CSMD1: variants seen among roughly 807,000 people sequenced by gnomAD.
The protein encoded by CSMD1 is CUB and Sushi multiple domains 1, also known as CUB and sushi domain-containing protein 1.
CSMD1 carries 213 observed loss-of-function variants against 417.5 expected under a neutral mutation model. That is an observed-to-expected ratio of 0.51 (90% CI 0.46 to 0.57). The LOEUF is 0.57. Ranked by LOEUF, CSMD1 falls within the 20% of genes least tolerant of loss-of-function variation. The pLI is 0.00. For synonymous variants in CSMD1, 2,862 were observed against 1,736.8 expected (o/e 1.65, Z -16.11); for missense variants, 6,923 against 4,529.7 (o/e 1.53, Z -15.17).
chr8:3,895,168 G>C (rs1466891208), intron 5 of CSMD1, among the ~76,000 whole-genome samples: 3 of 152,130 alleles, frequency 2.0e-5, no homozygotes, highest in East Asian at 3.8e-4. Context: ...CACTAATTCA[G>C]AGACACCAAC....
chr8:4,076,382 A>C (rs1374711160), intron 3 of CSMD1, among the ~76,000 whole-genome samples: 1 of 152,192 alleles, frequency 6.6e-6, no homozygotes, highest in East Asian at 1.9e-4. Flanking sequence ...TGTCTGAGGT[A>C]GTTCTTTATA....
chr8:3,018,708 T>G, intron 51 of CSMD1, 58 bp from the exon 52 acceptor site: 1 of 1,468,514 alleles, frequency 6.8e-7, no homozygotes, highest in Non-Finnish European at 9.3e-7. Flanking sequence ...ACTCCTGTGC[T>G]CCAAACAAAC....
At chr8:4,374,681 T>C (rs1294995266) in intron 3 of CSMD1, among the ~76,000 whole-genome samples, 3 of 152,048 alleles carry the variant, frequency 2.0e-5, no homozygotes, top group Non-Finnish European at 4.4e-5. Flanking sequence ...ATTATAAAGG[T>C]GGCATTTAGG....
intron 2 of CSMD1, among the ~76,000 whole-genome samples, chr8:4,548,616 A>G (rs980259708): frequency 1.3e-5 from 2 of 152,208 alleles, no homozygotes; most frequent in African/African-American, 4.8e-5. Context: ...ATAGATGCAA[A>G]TGGCTTTTTT....
At chr8:4,367,553 G>T (rs1437538075) in intron 3 of CSMD1, among the ~76,000 whole-genome samples, 2 of 152,044 alleles carry the variant, frequency 1.3e-5, no homozygotes, top group African/African-American at 4.8e-5. Context: ...GGCTCTTTGG[G>T]CTCCATATAA....
intron 5 of CSMD1, among the ~76,000 whole-genome samples, chr8:3,974,211 A>C (rs1813266936): frequency 6.6e-6 from 1 of 152,110 alleles, no homozygotes; most frequent in Admixed American, 6.5e-5. Flanking sequence ...AAGCCAGGAA[A>C]CCTTTCATAA....
chr8:3,338,414 C>G (rs755569836), intron 23 of CSMD1, among the ~76,000 whole-genome samples: 1 of 152,156 alleles, frequency 6.6e-6, no homozygotes, highest in Non-Finnish European at 1.5e-5. Flanking sequence ...CAAAACACAG[C>G]TAAGTACAAG....
chr8:3,742,949 C>G (rs1246344111), intron 6 of CSMD1, among the ~76,000 whole-genome samples: 1 of 152,164 alleles, frequency 6.6e-6, no homozygotes, highest in African/African-American at 2.4e-5. Context: ...ATCTTCTTGA[C>G]AGGATACCAC....
chr8:3,270,170 C>T (rs1435027177), intron 26 of CSMD1, among the ~76,000 whole-genome samples: 4 of 151,204 alleles, frequency 2.6e-5, no homozygotes, highest in Non-Finnish European at 1.5e-5. Flanking sequence ...CTACCTCAGA[C>T]TCCCAAGTAG....
chr8:3,428,902 T>C (rs1814027525), intron 12 of CSMD1, among the ~76,000 whole-genome samples: 1 of 152,216 alleles, frequency 6.6e-6, no homozygotes, highest in African/African-American at 2.4e-5. Flanking sequence ...CGGATGAGCC[T>C]GAAGGACACT....
intron 21 of CSMD1, among the ~76,000 whole-genome samples, chr8:3,349,969 TATA>T (rs1479563150): frequency 2.7e-5 from 4 of 146,452 alleles, no homozygotes; most frequent in Non-Finnish European, 1.5e-5. Flanking sequence ...TTATAATACC[TATA>T]ATACCTATAA....
chr8:4,713,243 C>G (rs1263206130), intron 1 of CSMD1, among the ~76,000 whole-genome samples: 5 of 152,232 alleles, frequency 3.3e-5, no homozygotes, highest in Non-Finnish European at 7.3e-5. Flanking sequence ...GCCAATTACT[C>G]AAGTACAGAA....
intron 66 of CSMD1, 52 bp from the exon 67 acceptor site, chr8:2,950,395 G>T: frequency 9.3e-7 from 1 of 1,080,190 alleles, no homozygotes; most frequent in Non-Finnish European, 1.4e-6. Flanking sequence ...TAGTAATTCA[G>T]CCCTTTAATC....
At position 2,938,168 on chromosome 8, in the gene CSMD1, C is replaced by T. The variant is rs1232312683; in HGVS notation, c.*417G>A. On this transcript the variant is annotated 3_prime_UTR_variant, in exon 70 of 70. Transcript: ENST00000635120. ...GGGGGTTTAAAAAGGAAAAACAACA[C>T]AAGAGAACACATATCGTGGTGCCAC... 2 of 159,470 alleles carry T rather than the reference C, an allele frequency of 1.3e-5. No homozygotes were observed. Among genetic ancestry groups the T allele is most frequent in the African/African-American group, 4.8e-5 (2 of 41,694 alleles). The allele number at this position is 159,470 out of a possible 1,614,324, so 9.9% of individuals were successfully genotyped here.
At chr8:3,936,112 G>A (rs944216301) in intron 5 of CSMD1, among the ~76,000 whole-genome samples, 3 of 151,614 alleles carry the variant, frequency 2.0e-5, no homozygotes. Flanking sequence ...CTAACTCTCT[G>A]AAGGTAGAGA....
chr8:4,191,967 C>CT (rs1799058651), intron 3 of CSMD1, among the ~76,000 whole-genome samples: 1 of 152,088 alleles, frequency 6.6e-6, no homozygotes, highest in Non-Finnish European at 1.5e-5. Flanking sequence ...GCAAAACACC[C>CT]GTAGAGGAAC....
intron 5 of CSMD1, among the ~76,000 whole-genome samples, chr8:3,861,884 A>G (rs1804734293): frequency 6.6e-6 from 1 of 152,170 alleles, no homozygotes; most frequent in Admixed American, 6.5e-5. Flanking sequence ...CCACAGTGGA[A>G]GTCATAGCAT....
chr8:4,891,983 G>A (rs188067588), intron 1 of CSMD1, among the ~76,000 whole-genome samples: 9 of 152,122 alleles, frequency 5.9e-5, no homozygotes, highest in African/African-American at 1.9e-4. Context: ...AAAGAGGTAA[G>A]ACCAAAATAG....
intron 10 of CSMD1, among the ~76,000 whole-genome samples, chr8:3,537,600 T>G (rs1798257803): frequency 6.6e-6 from 1 of 152,254 alleles, no homozygotes; most frequent in Admixed American, 6.5e-5. Context: ...TCTGATAATG[T>G]AATGATGGAA....
Sources: allele counts gnomAD v4.1 joint callset (sites outside exome capture counted in the v4.1 genomes callset), GRCh38; gene constraint gnomAD v4.1.1; transcripts MANE v1.5; gene names NCBI Gene and HGNC (gene_info 2026-07-23, HGNC 2026-07-21).